Variants in ZC3H8 observed in about 807,000 individuals in gnomAD.
The protein encoded by ZC3H8 is zinc finger CCCH-type containing 8, also known as zinc finger CCCH domain-containing protein 8.
Under a neutral mutation model 42.5 loss-of-function variants are expected in ZC3H8, and 27 were observed. The observed-to-expected ratio is 0.64, with a 90% CI of 0.47 to 0.88. ZC3H8 has a LOEUF of 0.88. ZC3H8 is among the 40% of genes least tolerant of loss of function. ZC3H8 has a pLI of 0.00. For synonymous variants in ZC3H8, 101 were observed against 110.1 expected (o/e 0.92, Z 0.52); for missense variants, 277 against 336.1 (o/e 0.82, Z 1.37).
intron 8 of ZC3H8, among the ~76,000 whole-genome samples, chr2:112,228,500 C>CAAA (rs1188593900): frequency 1.3e-5 from 1 of 77,070 alleles, no homozygotes; most frequent in African/African-American, 5.0e-5. Context: ...GACTCTGTCT[C>CAAA]AAAAAAAAAA....
At chr2:112,250,152 C>T in intron 2 of ZC3H8, 39 bp downstream of exon 2, 3 of 1,443,966 alleles carry the variant, frequency 2.1e-6, no homozygotes. Flanking sequence ...AAAAAAAAAT[C>T]TGCGTTTTCA....
At chr2:112,223,741 T>C (rs1197033753) in intron 8 of ZC3H8, among the ~76,000 whole-genome samples, 1 of 152,096 alleles carries the variant, frequency 6.6e-6, no homozygotes, top group Non-Finnish European at 1.5e-5. Context: ...AGAAAATTAG[T>C]ATAAAATAGA....
chr2:112,242,339 T>G (rs1426596436), intron 2 of ZC3H8, among the ~76,000 whole-genome samples: 1 of 152,234 alleles, frequency 6.6e-6, no homozygotes, highest in Admixed American at 6.5e-5. Flanking sequence ...TCAGAGTCCA[T>G]AAATACAATT....
chr2:112,242,384 A>G (rs1023825936), intron 2 of ZC3H8, among the ~76,000 whole-genome samples: 1 of 152,236 alleles, frequency 6.6e-6, no homozygotes, highest in Admixed American at 6.5e-5. Context: ...TCATTTATAT[A>G]TTATATGGCC....
intron 2 of ZC3H8, among the ~76,000 whole-genome samples, chr2:112,244,019 G>GA (rs1490935351): frequency 1.3e-5 from 2 of 151,332 alleles, no homozygotes; most frequent in East Asian, 3.9e-4. Flanking sequence ...GGGATATAAA[G>GA]AAAAAAGATA....
At chr2:112,237,812 C>T (rs1685406537) in intron 3 of ZC3H8, among the ~76,000 whole-genome samples, 1 of 152,104 alleles carries the variant, frequency 6.6e-6, no homozygotes, top group African/African-American at 2.4e-5. Context: ...AGTGATCCAC[C>T]AGCCTCGGCC....
chr2:112,231,409 C>T (rs753181178), intron 7 of ZC3H8, among the ~76,000 whole-genome samples: 1 of 152,142 alleles, frequency 6.6e-6, no homozygotes, highest in Non-Finnish European at 1.5e-5. Flanking sequence ...AACCTTTTCT[C>T]ACAGACTGAA....
At chr2:112,237,175 G>A (rs1349799987) in intron 3 of ZC3H8, among the ~76,000 whole-genome samples, 4 of 152,202 alleles carry the variant, frequency 2.6e-5, no homozygotes, top group African/African-American at 9.7e-5. Flanking sequence ...CTGGGACTAA[G>A]GGACCAAAAA....
chr2:112,213,698 C>T lies in ZC3H8; in HGVS notation c.*2786G>A, dbSNP rs1311701551. On this transcript the variant is annotated 3_prime_UTR_variant, in exon 9 of 9. Transcript: ENST00000409573. ...GGCTGAGGCAGGAGAATCACTTGAA[C>T]CCGGGAGGCAGAGCTTGCAGTGAGC... The T allele has an allele frequency of 3.8e-5, 5 of 132,044 alleles. No homozygotes were observed. The highest frequency in any genetic ancestry group is 6.2e-5 in the Non-Finnish European group (4 of 64,304). 8.2% of individuals were successfully genotyped at this position (132,044 alleles called of 1,614,324 possible).
chr2:112,248,789 C>T (rs1685846463), intron 2 of ZC3H8, among the ~76,000 whole-genome samples: 2 of 152,122 alleles, frequency 1.3e-5, no homozygotes, highest in Admixed American at 1.3e-4. Context: ...AACTACTAAC[C>T]CCTAATACCT....
intron 4 of ZC3H8, among the ~76,000 whole-genome samples, chr2:112,234,480 T>C (rs1685229279): frequency 6.6e-6 from 1 of 152,212 alleles, no homozygotes; most frequent in South Asian, 2.1e-4. Flanking sequence ...ATACATTGCC[T>C]TTATTTTGTA....
intron 1 of ZC3H8, among the ~76,000 whole-genome samples, chr2:112,251,811 T>C (rs1013860003): frequency 1.3e-5 from 2 of 151,874 alleles, no homozygotes; most frequent in African/African-American, 4.9e-5. Context: ...TAAATAGATG[T>C]CTACTTTCAC....
intron 8 of ZC3H8, among the ~76,000 whole-genome samples, chr2:112,217,731 A>G (rs925031959): frequency 5.3e-5 from 8 of 152,218 alleles, no homozygotes; most frequent in African/African-American, 1.7e-4. Flanking sequence ...TTCTAAAATT[A>G]TAATTTTTGC....
intron 1 of ZC3H8, among the ~76,000 whole-genome samples, chr2:112,253,492 T>C (rs1247852288): frequency 6.6e-6 from 1 of 152,190 alleles, no homozygotes; most frequent in Non-Finnish European, 1.5e-5. Flanking sequence ...CCTTTTTACA[T>C]TGAAAAATAA....
intron 8 of ZC3H8, among the ~76,000 whole-genome samples, chr2:112,226,198 A>G (rs1385163655): frequency 6.6e-6 from 1 of 152,194 alleles, no homozygotes; most frequent in Admixed American, 6.5e-5. Context: ...AATTAATGGA[A>G]AGATACAAAT....
intron 2 of ZC3H8, among the ~76,000 whole-genome samples, chr2:112,249,476 C>A (rs1305639634): frequency 6.6e-6 from 1 of 152,000 alleles, no homozygotes; most frequent in African/African-American, 2.4e-5. Flanking sequence ...CGGAGTCTCG[C>A]TTTGTTGCCC....
intron 8 of ZC3H8, among the ~76,000 whole-genome samples, chr2:112,229,100 A>G (rs916453311): frequency 5.3e-5 from 8 of 152,194 alleles, no homozygotes; most frequent in Non-Finnish European, 8.8e-5. Flanking sequence ...AGACAAATGG[A>G]GAAGAACTGA....
chr2:112,224,864 G>A (rs1398548452), intron 8 of ZC3H8, among the ~76,000 whole-genome samples: 2 of 152,136 alleles, frequency 1.3e-5, no homozygotes, highest in East Asian at 3.8e-4. Context: ...AACATTCTGG[G>A]GTGATGGAAT....
At chr2:112,240,018 G>A (rs1328190011) in intron 2 of ZC3H8, among the ~76,000 whole-genome samples, 1 of 151,850 alleles carries the variant, frequency 6.6e-6, no homozygotes, top group African/African-American at 2.4e-5. Context: ...ATCTGACAAT[G>A]GCCTCAATTA....
Sources: allele counts gnomAD v4.1 joint callset (sites outside exome capture counted in the v4.1 genomes callset), GRCh38; gene constraint gnomAD v4.1.1; transcripts MANE v1.5; gene names NCBI Gene and HGNC (gene_info 2026-07-23, HGNC 2026-07-21).